ZMAT4: variants seen among roughly 807,000 people sequenced by gnomAD.
ZMAT4 encodes zinc finger matrin-type 4.
Under a neutral mutation model 28.7 loss-of-function variants are expected in ZMAT4, and 17 were observed. The observed-to-expected ratio is 0.59, with a 90% CI of 0.41 to 0.89. The LOEUF is 0.89. ZMAT4 is among the 40% of genes least tolerant of loss of function. The pLI, the probability that ZMAT4 is intolerant of heterozygous loss-of-function variation, is 0.00. For synonymous variants in ZMAT4, 117 were observed against 109.2 expected (o/e 1.07, Z -0.44); for missense variants, 240 against 283.8 (o/e 0.85, Z 1.11).
At chr8:40,877,141 C>T (rs1365844992) in intron 1 of ZMAT4, among the ~76,000 whole-genome samples, 1 of 152,120 alleles carries the variant, frequency 6.6e-6, no homozygotes, top group South Asian at 2.1e-4. Context: ...AGGGAAGATG[C>T]GATGAAGACC....
intron 4 of ZMAT4, among the ~76,000 whole-genome samples, chr8:40,696,681 C>A (rs2150493730): frequency 1.3e-5 from 2 of 152,212 alleles, no homozygotes; most frequent in South Asian, 4.2e-4. Flanking sequence ...GGATCTCCTG[C>A]AAGATGAATC....
At chr8:40,556,061 C>T (rs973547538) in intron 6 of ZMAT4, among the ~76,000 whole-genome samples, 2 of 152,124 alleles carry the variant, frequency 1.3e-5, no homozygotes, top group African/African-American at 4.8e-5. Context: ...ACATGGTTCT[C>T]CTACTTCTAT....
intron 6 of ZMAT4, among the ~76,000 whole-genome samples, chr8:40,573,231 A>C (rs1449260513): frequency 1.3e-5 from 2 of 152,204 alleles, no homozygotes; most frequent in African/African-American, 4.8e-5. Context: ...AAAATGTATC[A>C]TAATGTGGGT....
intron 1 of ZMAT4, among the ~76,000 whole-genome samples, chr8:40,849,785 T>C (rs1817036229): frequency 6.6e-6 from 1 of 152,178 alleles, no homozygotes; most frequent in African/African-American, 2.4e-5. Context: ...ACAGAGTAGA[T>C]ATGTGACCAC....
intron 6 of ZMAT4, among the ~76,000 whole-genome samples, chr8:40,553,879 C>A (rs1273218962): frequency 6.6e-6 from 1 of 152,124 alleles, no homozygotes; most frequent in African/African-American, 2.4e-5. Flanking sequence ...AAGGAGCACA[C>A]CAGGTACTTT....
chr8:40,734,723 A>T (rs766984005), intron 3 of ZMAT4, among the ~76,000 whole-genome samples: 70 of 152,208 alleles, frequency 4.6e-4, no homozygotes, highest in Non-Finnish European at 9.6e-4. Context: ...TTTAACAGCA[A>T]CTATTCCAGA....
intron 6 of ZMAT4, among the ~76,000 whole-genome samples, chr8:40,539,572 A>G (rs1802961364): frequency 6.6e-6 from 1 of 152,244 alleles, no homozygotes; most frequent in Non-Finnish European, 1.5e-5. Flanking sequence ...AATTTCATTT[A>G]GCCTCAGTTT....
intron 6 of ZMAT4, among the ~76,000 whole-genome samples, chr8:40,571,575 G>C (rs552421773): frequency 3.6e-4 from 55 of 152,224 alleles, no homozygotes; most frequent in African/African-American, 1.3e-3. Context: ...TCCTGTCGTT[G>C]TCACAGTGAT....
At chr8:40,854,934 C>A (rs1309836718) in intron 1 of ZMAT4, among the ~76,000 whole-genome samples, 1 of 152,012 alleles carries the variant, frequency 6.6e-6, no homozygotes, top group Non-Finnish European at 1.5e-5. Context: ...TGTTTTCACA[C>A]ACACACACAC....
chr8:40,731,766 G>A (rs1050554426), intron 3 of ZMAT4, among the ~76,000 whole-genome samples: 8 of 152,128 alleles, frequency 5.3e-5, no homozygotes, highest in African/African-American at 1.9e-4. Context: ...AGAGATATTC[G>A]CACACACACG....
chr8:40,563,413 C>T (rs1270773487), intron 6 of ZMAT4, among the ~76,000 whole-genome samples: 4 of 152,156 alleles, frequency 2.6e-5, no homozygotes, highest in African/African-American at 4.8e-5. Context: ...TATATCCTTG[C>T]GGTATCTGAC....
chr8:40,801,983 G>A (rs1263966226), intron 2 of ZMAT4, among the ~76,000 whole-genome samples: 2 of 152,104 alleles, frequency 1.3e-5, no homozygotes, highest in Non-Finnish European at 2.9e-5. Context: ...AAAATCGCAT[G>A]ATCTATTAAA....
At chr8:40,701,932 C>A (rs758804037) in intron 3 of ZMAT4, among the ~76,000 whole-genome samples, 17 of 152,210 alleles carry the variant, frequency 1.1e-4, no homozygotes, top group African/African-American at 3.1e-4. Flanking sequence ...GAAACTTAAT[C>A]CCCAATGCAA....
chr8:40,818,649 A>C lies in ZMAT4; in HGVS notation c.102+6926T>G, dbSNP rs548780575. ...TTTTCCTAGTCTTTACCCAGTTAGC[A>C]CTTGCATCTCCTTGAACACTTCACC... On this transcript the variant is annotated intron_variant, in intron 2 of 6. Coordinates refer to ENST00000297737, the MANE Select transcript of ZMAT4 (RefSeq NM_024645.3). Among the ~76,000 whole-genome samples, 36 of 152,300 alleles carry C rather than the reference A, an allele frequency of 2.4e-4. No homozygotes were observed. In the South Asian group the frequency reaches 7.1e-3, roughly 30 times the overall value.
chr8:40,626,245 C>T (rs185627965), intron 5 of ZMAT4, among the ~76,000 whole-genome samples: 61 of 152,038 alleles, frequency 4.0e-4, no homozygotes, highest in Non-Finnish European at 5.9e-4. Flanking sequence ...GAATCAAGTA[C>T]GAAAGAGGAG....
chr8:40,897,360 A>T (rs562293564), intron 1 of ZMAT4, among the ~76,000 whole-genome samples: 1 of 152,266 alleles, frequency 6.6e-6, no homozygotes, highest in South Asian at 2.1e-4. Context: ...AGGAAACAGC[A>T]CACCCTGGGA....
chr8:40,663,989 C>T (rs956664087), intron 5 of ZMAT4, among the ~76,000 whole-genome samples: 8 of 152,154 alleles, frequency 5.3e-5, no homozygotes, highest in African/African-American at 1.7e-4. Context: ...AATGTTGAAT[C>T]ATCGGTTTGA....
intron 6 of ZMAT4, among the ~76,000 whole-genome samples, chr8:40,574,895 T>G: frequency 6.6e-6 from 1 of 152,210 alleles, no homozygotes; most frequent in East Asian, 1.9e-4. Flanking sequence ...GTGGCTACAT[T>G]ACTCCAAAAG....
chr8:40,882,739 T>C (rs1818325554), intron 1 of ZMAT4, among the ~76,000 whole-genome samples: 1 of 152,178 alleles, frequency 6.6e-6, no homozygotes, highest in Non-Finnish European at 1.5e-5. Context: ...TACCAGGTGT[T>C]TCAGAGCTGG....
Sources: allele counts gnomAD v4.1 joint callset (sites outside exome capture counted in the v4.1 genomes callset), GRCh38; gene constraint gnomAD v4.1.1; transcripts MANE v1.5; gene names NCBI Gene and HGNC (gene_info 2026-07-23, HGNC 2026-07-21).